Variants in NEIL2 observed in about 807,000 individuals in gnomAD.
NEIL2 encodes nei like DNA glycosylase 2.
In NEIL2, 23 loss-of-function variants were observed where a neutral mutation model predicts 22.2. That is an observed-to-expected ratio of 1.04 (90% CI 0.75 to 1.47). The LOEUF is 1.47. Among genes scored for constraint, NEIL2 ranks in the 40% most tolerant of loss-of-function variants. The probability of loss-of-function intolerance (pLI) is 0.00; values close to 1 mark genes in which losing one functional copy is unlikely to be tolerated. For missense variants in NEIL2, 583 were observed against 404.7 expected (o/e 1.44, Z -3.78); for synonymous variants, 229 against 164.8 (o/e 1.39, Z -2.99).
chr8:11,783,809 C>G (rs916599967), intron 4 of NEIL2, among the ~76,000 whole-genome samples: 2 of 152,168 alleles, frequency 1.3e-5, no homozygotes, highest in African/African-American at 4.8e-5. Flanking sequence ...AGCGCGTGTT[C>G]TAAGGGATGC....
intron 2 of NEIL2, among the ~76,000 whole-genome samples, chr8:11,774,678 C>T (rs1406583886): frequency 6.6e-6 from 1 of 152,216 alleles, no homozygotes; most frequent in African/African-American, 2.4e-5. Context: ...ACCTATGAGC[C>T]TGTAAAATCA....
At chr8:11,776,088 C>T (rs1235765167) in intron 2 of NEIL2, among the ~76,000 whole-genome samples, 1 of 152,142 alleles carries the variant, frequency 6.6e-6, no homozygotes, top group African/African-American at 2.4e-5. Context: ...AAGACATAAC[C>T]AAGACTTGGT....
chr8:11,772,384 G>A (rs935229862), intron 2 of NEIL2, among the ~76,000 whole-genome samples: 1 of 152,132 alleles, frequency 6.6e-6, no homozygotes, highest in Non-Finnish European at 1.5e-5. Context: ...GTTTCTGTCC[G>A]TGGTTTTCAC....
chr8:11,786,176 C>T lies in NEIL2; in HGVS notation c.902C>T (p.Ala301Val), dbSNP rs749424753. 10 of 1,613,766 alleles carry T rather than the reference C, an allele frequency of 6.2e-6. No individual in the cohort carries two copies. Among genetic ancestry groups the T allele is most frequent in the South Asian group, 1.1e-5 (1 of 91,054 alleles). ...CPAGHQVMKEAFGPEDGLQRL... is the reference protein window; with the variant it reads ...CPAGHQVMKEVFGPEDGLQRL... ...GCTGGCCACCAGGTCATGAAGGAGG[C>T]GTTTGGGCCCGAAGATGGGTTACAG... The change falls in exon 5 of 5, where the codon GCG (alanine) becomes GTG (valine). Residue 301 changes from alanine (A) to valine (V), a missense_variant. Physicochemically the swap from Ala to Val is moderately conservative, Grantham distance 64. Coordinates refer to ENST00000284503, the MANE Select transcript of NEIL2 (RefSeq NM_145043.4).
At chr8:11,785,538 C>A (rs1804836858) in intron 4 of NEIL2, among the ~76,000 whole-genome samples, 1 of 152,146 alleles carries the variant, frequency 6.6e-6, no homozygotes, top group South Asian at 2.1e-4. Context: ...CTCTACATAC[C>A]AGCCACTGTG....
At chr8:11,784,801 G>A (rs971842161) in intron 4 of NEIL2, among the ~76,000 whole-genome samples, 2 of 152,174 alleles carry the variant, frequency 1.3e-5, no homozygotes, top group Admixed American at 6.5e-5. Flanking sequence ...AATGAGGCAG[G>A]AGTAGAAAAA....
Position 11,779,777 on chromosome 8 carries a change from G to A in NEIL2, c.318G>A (p.Glu106=). 2 of 1,614,206 alleles carry A rather than the reference G, an allele frequency of 1.2e-6. No individual in the cohort carries two copies. The highest frequency in any genetic ancestry group is 1.7e-6 in the Non-Finnish European group (2 of 1,180,042). ...KTLDGSSRSA[E]LVPQGEDDSE... ...TTGATGGATCCTCACGGTCTGCAGAGCTCGTCCCCCAGGGCGAGGATGATT... is the reference window on the plus strand; with the variant it reads ...TTGATGGATCCTCACGGTCTGCAGAACTCGTCCCCCAGGGCGAGGATGATT... Residue 106 remains glutamate, a synonymous_variant, in exon 3 of 5, where the codon GAG becomes GAA. Transcript: ENST00000284503.
intron 2 of NEIL2, among the ~76,000 whole-genome samples, chr8:11,777,665 T>C (rs1167463327): frequency 6.6e-6 from 1 of 152,074 alleles, no homozygotes; most frequent in East Asian, 1.9e-4. Flanking sequence ...TTATTTCACT[T>C]AGTATAAAGT....
At chr8:11,781,719 A>AAC (rs748901580) in intron 3 of NEIL2, among the ~76,000 whole-genome samples, 5 of 152,012 alleles carry the variant, frequency 3.3e-5, no homozygotes, top group Non-Finnish European at 5.9e-5. Context: ...TTTTTCTTTA[A>AAC]TAGGCTGGCC....
intron 2 of NEIL2, among the ~76,000 whole-genome samples, chr8:11,778,155 T>A (rs757576031): frequency 6.6e-4 from 101 of 152,360 alleles, no homozygotes; most frequent in Non-Finnish European, 5.1e-4. Flanking sequence ...CTAGACATTT[T>A]TGACCTAGTA....
chr8:11,773,353 G>A (rs1277153804), intron 2 of NEIL2, among the ~76,000 whole-genome samples: 1 of 152,118 alleles, frequency 6.6e-6, no homozygotes. Flanking sequence ...GAACCTTCGG[G>A]GCTGCCTGGC....
chr8:11,771,726 T>C, intron 2 of NEIL2, 141 bp downstream of exon 2: 1 of 786,306 alleles, frequency 1.3e-6, no homozygotes, highest in Non-Finnish European at 2.0e-6. Flanking sequence ...CCTCTTTCAG[T>C]CTCACGTGTC....
At chr8:11,779,574 T>A in intron 2 of NEIL2, 24 bp from the exon 3 acceptor site, 1 of 1,558,034 alleles carries the variant, frequency 6.4e-7, no homozygotes, top group African/African-American at 1.4e-5. Flanking sequence ...CTGTAAGGCT[T>A]GGATCTCTGT....
chr8:11,778,473 A>G (rs1804101179), intron 2 of NEIL2, among the ~76,000 whole-genome samples: 1 of 152,194 alleles, frequency 6.6e-6, no homozygotes, highest in Non-Finnish European at 1.5e-5. Context: ...TCATACCAGA[A>G]CAGTGATCTT....
At position 11,779,880 on chromosome 8, in the gene NEIL2, G is replaced by A. The variant is rs113905789; in HGVS notation, c.421G>A (p.Val141Ile). The change falls in exon 3 of 5, where the codon GTT (valine) becomes ATT (isoleucine). Residue 141 changes from valine to isoleucine, a missense_variant. Val to Ile is a conservative substitution (Grantham distance 29, BLOSUM62 3). Transcript: ENST00000284503. Reference protein sequence around the residue: ...LRVSFGLFGSVWVNDFSRAKK... With the variant: ...LRVSFGLFGSIWVNDFSRAKK... Reference sequence around the variant, plus strand: ...TGTCAGCTTTGGTTTGTTTGGCAGCGTTTGGGTGAACGATTTCTCCAGAGC... The same window carrying A: ...TGTCAGCTTTGGTTTGTTTGGCAGCATTTGGGTGAACGATTTCTCCAGAGC... 72 of 1,614,068 alleles carry A rather than the reference G, an allele frequency of 4.5e-5. No homozygotes were observed. Among genetic ancestry groups the A allele is most frequent in the Non-Finnish European group, 5.6e-5 (66 of 1,180,050 alleles).
Position 11,779,918 on chromosome 8 carries a change from CAA to C in NEIL2, c.460_461del (p.Lys154GlufsTer25). ...ATTTCTCCAGAGCCAAGAAAGCCAA[CAA>C]GAGGGGGGACTGGAGGGACCCTTCC... ...NDFSRAKKAN[K>X]RGDWRDPSPR... is the part of the protein sequence containing the mutation. On this transcript the variant is annotated frameshift_variant, in exon 3 of 5. Coordinates refer to ENST00000284503, the MANE Select transcript of NEIL2 (RefSeq NM_145043.4). LOFTEE classifies it high-confidence loss of function. 6.2e-7 allele frequency: 1 copy of C among 1,614,096 alleles called. No individual in the cohort carries two copies. Among genetic ancestry groups the C allele is most frequent in the Non-Finnish European group, 8.5e-7 (1 of 1,179,984 alleles).
intron 2 of NEIL2, among the ~76,000 whole-genome samples, chr8:11,772,790 T>C (rs1370698902): frequency 6.6e-6 from 1 of 152,200 alleles, no homozygotes. Flanking sequence ...TCATAGCTCT[T>C]TCTTCTATTG....
At chr8:11,785,091 T>C (rs1804779343) in intron 4 of NEIL2, among the ~76,000 whole-genome samples, 1 of 152,164 alleles carries the variant, frequency 6.6e-6, no homozygotes, top group Non-Finnish European at 1.5e-5. Context: ...AGGCTGGTCT[T>C]GAACTTGTGG....
intron 4 of NEIL2, among the ~76,000 whole-genome samples, chr8:11,784,231 G>T (rs558082889): frequency 1.2e-4 from 19 of 152,340 alleles, no homozygotes; most frequent in African/African-American, 4.1e-4. Context: ...AGGACCATGG[G>T]AGTCCCTGTG....
Sources: gnomAD v4.1 joint callset for allele counts (sites outside exome capture counted in the v4.1 genomes callset) on GRCh38, gnomAD v4.1.1 for gene constraint, MANE v1.5 for transcripts, NCBI Gene and HGNC (gene_info 2026-07-23, HGNC 2026-07-21) for gene names.